MCM9: variants seen among roughly 807,000 people sequenced by gnomAD.
MCM9 encodes the protein minichromosome maintenance 9 homologous recombination repair factor.
In MCM9, 55 loss-of-function variants were observed where a neutral mutation model predicts 72.8. The ratio of observed to expected loss-of-function variants is 0.76; its 90% CI spans 0.61 to 0.95. The LOEUF (loss-of-function observed/expected upper bound fraction) is 0.95, where lower values mean the gene tolerates loss of function less well. MCM9 is among the 40% of genes least tolerant of loss of function. MCM9 has a pLI of 0.00. For synonymous variants in MCM9, 480 were observed against 503.4 expected, an observed-to-expected ratio of 0.95 and a Z score of 0.62; for missense variants, 1,279 against 1,377.0, an observed-to-expected ratio of 0.93 and a Z score of 1.13.
chr6:118,868,636 A>C (rs1777378145), intron 8 of MCM9, among the ~76,000 whole-genome samples: 1 of 152,244 alleles, frequency 6.6e-6, no homozygotes, highest in Non-Finnish European at 1.5e-5. Flanking sequence ...AAAAGAAGAC[A>C]TCTATGCAGC....
At chr6:118,843,720 G>GTATATATGTATATATATATGTATA (rs1775658182) in intron 9 of MCM9, among the ~76,000 whole-genome samples, 1 of 102,006 alleles carries the variant, frequency 9.8e-6, no homozygotes, top group African/African-American at 4.5e-5. Context: ...ATATATATAT[G>GTATATATGTATATATATATGTATA]TATATATATA....
chr6:118,915,507 G>A (rs148643349), intron 6 of MCM9, among the ~76,000 whole-genome samples: 1 of 152,264 alleles, frequency 6.6e-6, no homozygotes, highest in African/African-American at 2.4e-5. Flanking sequence ...AATCCCTCAG[G>A]TGACAGCAGA....
chr6:118,825,891 A>G (rs1448975410), intron 13 of MCM9, among the ~76,000 whole-genome samples: 5 of 152,166 alleles, frequency 3.3e-5, no homozygotes, highest in African/African-American at 1.2e-4. Flanking sequence ...GCCTGCCTGA[A>G]TGTCTGATAC....
chr6:118,817,227 C>G (rs1773465386), intron 13 of MCM9, among the ~76,000 whole-genome samples: 3 of 151,976 alleles, frequency 2.0e-5, no homozygotes, highest in Non-Finnish European at 2.9e-5. Context: ...CCTATCAACC[C>G]ATCATTTAGG....
In MCM9 at chr6:118,826,147, C is replaced by T. The variant is rs1583343579; in HGVS notation, c.1961G>A (p.Arg654Lys). 6.5e-7 allele frequency: 1 copy of T among 1,546,512 alleles called. No homozygotes were observed. Among genetic ancestry groups the T allele is most frequent in the Non-Finnish European group, 8.7e-7 (1 of 1,145,824 alleles). The change falls in exon 13 of 14, where the codon AGG (arginine) becomes AAG (lysine). Residue 654 changes from arginine (R) to lysine (K), a missense_variant and splice_region_variant. Transcript: ENST00000619706. ...GCCTTTCTGGGTTTTCATTCCTCAC[C>T]TTTCAAGTCTTCTAAGCTCTTCACT... is the stretch of plus-strand genomic sequence containing the variant. ...LLSEELRRLE[R>K]LQNQSVHQSQ...
chr6:118,841,923 C>G (rs140813235), intron 9 of MCM9, among the ~76,000 whole-genome samples: 39 of 152,052 alleles, frequency 2.6e-4, no homozygotes, highest in African/African-American at 8.7e-4. Context: ...CAGCCTCCGC[C>G]TCCCGGGTTC....
At chr6:118,905,805 C>T in intron 8 of MCM9, 4 of 1,602,988 alleles carry the variant, frequency 2.5e-6, no homozygotes, top group Non-Finnish European at 2.6e-6. Flanking sequence ...GGAAAATCCA[C>T]CAGTAAAACC....
intron 9 of MCM9, among the ~76,000 whole-genome samples, chr6:118,832,182 T>C (rs561366176): frequency 7.2e-5 from 11 of 152,322 alleles, no homozygotes; most frequent in Non-Finnish European, 1.6e-4. Flanking sequence ...TGTCTCTGCC[T>C]ATCAAGTAGC....
intron 9 of MCM9, among the ~76,000 whole-genome samples, chr6:118,853,675 C>T (rs541971190): frequency 4.6e-5 from 7 of 152,212 alleles, no homozygotes; most frequent in South Asian, 2.1e-4. Context: ...CATAGTGGTG[C>T]GTCCCCGTAA....
intron 8 of MCM9, among the ~76,000 whole-genome samples, chr6:118,885,113 G>T (rs999034838): frequency 6.6e-6 from 1 of 152,110 alleles, no homozygotes; most frequent in African/African-American, 2.4e-5. Context: ...GGAGAACGGG[G>T]TGAACCCGGG....
intron 10 of MCM9, 77 bp from the exon 11 acceptor site, chr6:118,828,207 T>C (rs1270886101): frequency 1.7e-6 from 2 of 1,172,018 alleles, no homozygotes; most frequent in Non-Finnish European, 2.4e-6. Context: ...TATAAAGTTC[T>C]GGTACTCATT....
intron 8 of MCM9, chr6:118,894,302 G>A: frequency 1.3e-6 from 2 of 1,491,464 alleles, no homozygotes; most frequent in Non-Finnish European, 1.8e-6. Context: ...GCCGCTGCAC[G>A]ACGTCTGGCC....
chr6:118,826,319 A>G, intron 12 of MCM9, 27 bp from the exon 13 acceptor site: 4 of 1,543,228 alleles, frequency 2.6e-6, no homozygotes, highest in Non-Finnish European at 3.5e-6. Context: ...ATACCAGGAG[A>G]GTCACCAGGC....
rs1396443968 is a variant in MCM9, at chr6:118,861,083, G to GTGTGGTT, written c.1151-4539_1151-4538insAACCACA. Among the ~76,000 whole-genome samples, 10 of 152,334 alleles carry GTGTGGTT rather than the reference G, an allele frequency of 6.6e-5. No individual in the cohort carries two copies. In the South Asian group the frequency reaches 1.5e-3, roughly 22 times the overall value. ...CGGCCACAGGTGTGTCAGTGAATGAGTGTGGTGTCCAGCCACTGTGCACAG... is the reference window on the plus strand; with the variant it reads ...CGGCCACAGGTGTGTCAGTGAATGAGTGTGGTTTGTGGTGTCCAGCCACTGTGCACAG... On this transcript the variant is annotated intron_variant, in intron 8 of 13. Coordinates refer to ENST00000619706, the MANE Select transcript of MCM9 (RefSeq NM_017696.3).
At chr6:118,825,878 C>G (rs926646597) in intron 13 of MCM9, among the ~76,000 whole-genome samples, 1 of 152,090 alleles carries the variant, frequency 6.6e-6, no homozygotes, top group East Asian at 1.9e-4. Context: ...CTATCCCCAC[C>G]GAGCCTGCCT....
intron 8 of MCM9, chr6:118,893,968 C>T (rs1779149264): frequency 4.1e-6 from 4 of 975,998 alleles, no homozygotes; most frequent in African/African-American, 1.8e-5. Flanking sequence ...CCCCTCCGCC[C>T]CTCTCCGCGC....
chr6:118,921,942 C>T lies in MCM9; in HGVS notation c.703+63G>A, dbSNP rs1178529945. On this transcript the variant is annotated intron_variant, in intron 5 of 13. Coordinates refer to ENST00000619706, the MANE Select transcript of MCM9 (RefSeq NM_017696.3). ...GTGATCTTGGGAAAATAAAAAGTGG[C>T]TTTTCCTAATCAATACTTTAGGACT... 2.3e-6 allele frequency: 3 copies of T among 1,280,400 alleles called. No individual in the cohort carries two copies. In the African/African-American group the frequency reaches 4.5e-5, roughly 19 times the overall value. The allele number at this position is 1,280,400 out of a possible 1,614,324, so 79.3% of individuals were successfully genotyped here. A position where few individuals can be genotyped will look rare whatever the true frequency, so the allele number is the denominator to read the frequency against.
chr6:118,894,184 TGCTACTTATCAGA>T, intron 8 of MCM9: 4 of 1,298,472 alleles, frequency 3.1e-6, no homozygotes, highest in Non-Finnish European at 3.9e-6. Flanking sequence ...AGGGCAACGC[TGCTACTTATCAGA>T]GCAGAATGGG....
intron 8 of MCM9, among the ~76,000 whole-genome samples, chr6:118,868,939 T>G (rs1389301071): frequency 6.6e-6 from 1 of 152,194 alleles, no homozygotes; most frequent in Admixed American, 6.5e-5. Context: ...GGATTACAAA[T>G]CATGCTACTA....
Sources: gnomAD v4.1 joint callset for allele counts (sites outside exome capture counted in the v4.1 genomes callset) on GRCh38, gnomAD v4.1.1 for gene constraint, MANE v1.5 for transcripts, NCBI Gene and HGNC (gene_info 2026-07-23, HGNC 2026-07-21) for gene names.